Variants in NCOR1 observed in about 807,000 individuals in gnomAD.
NCOR1 encodes nuclear receptor corepressor 1, also known as protein phosphatase 1, regulatory subunit 109.
In NCOR1, 63 loss-of-function variants were observed where a neutral mutation model predicts 288.1. The observed-to-expected ratio is 0.22, with a 90% CI of 0.18 to 0.27. The LOEUF (loss-of-function observed/expected upper bound fraction) is 0.27, where lower values mean the gene tolerates loss of function less well. Ranked by LOEUF, NCOR1 falls within the 10% of genes least tolerant of loss-of-function variation. The probability of loss-of-function intolerance (pLI) is 1.00; values close to 1 mark genes in which losing one functional copy is unlikely to be tolerated. For missense variants in NCOR1, 2,397 were observed against 3,019.2 expected (o/e 0.79, Z 4.83); for synonymous variants, 1,007 against 1,065.9 (o/e 0.94, Z 1.08).
Position 16,064,125 on chromosome 17 carries a change from TCTCCCG to T in NCOR1, c.5158_5163del (p.Arg1720_Glu1721del), listed in dbSNP as rs1289562742. 1 of 1,613,674 alleles carries T rather than the reference TCTCCCG, an allele frequency of 6.2e-7. No individual in the cohort carries two copies. The highest frequency in any genetic ancestry group is 1.7e-5 in the Admixed American group (1 of 60,006). On this transcript the variant is annotated inframe_deletion, in exon 35 of 46. Transcript: ENST00000268712. ...GCAATCCGTTCCCGCTCCCGCTCCT[TCTCCCG>T]CTCCCGTTCCCGTTCCCTCTCAGCA... is the stretch of plus-strand genomic sequence containing the variant.
At chr17:16,133,634 C>A (rs1010037515) in intron 14 of NCOR1, among the ~76,000 whole-genome samples, 3 of 152,172 alleles carry the variant, frequency 2.0e-5, no homozygotes, top group Non-Finnish European at 4.4e-5. Context: ...AATTCTATAT[C>A]TTTAACCCAG....
intron 10 of NCOR1, among the ~76,000 whole-genome samples, chr17:16,143,930 C>T (rs759691238): frequency 7.9e-5 from 12 of 152,118 alleles, no homozygotes; most frequent in Admixed American, 2.0e-4. Flanking sequence ...AATGGTGGAA[C>T]TAGTTAGGGA....
intron 14 of NCOR1, among the ~76,000 whole-genome samples, chr17:16,127,599 A>G (rs2074795356): frequency 6.8e-6 from 1 of 146,698 alleles, no homozygotes; most frequent in Non-Finnish European, 1.5e-5. Context: ...ATATGTATGT[A>G]TACATACATA....
At position 16,075,470 on chromosome 17, in the gene NCOR1, A is replaced by G. The variant is rs1043161830; in HGVS notation, c.3670+64T>C. ...TCCCAGAGAGCAGAAATGCGGGAAA[A>G]CCCAAGCCTATGTTTTTAGCACATA... On this transcript the variant is annotated intron_variant, in intron 27 of 45. Coordinates refer to ENST00000268712, the MANE Select transcript of NCOR1 (RefSeq NM_006311.4). 8 of 1,553,246 alleles carry G rather than the reference A, an allele frequency of 5.2e-6. No individual in the cohort carries two copies. In the African/African-American group the frequency reaches 1.1e-4, roughly 21 times the overall value.
intron 24 of NCOR1, 22 bp downstream of exon 24, chr17:16,080,585 A>T: frequency 1.9e-6 from 3 of 1,614,156 alleles, no homozygotes; most frequent in Non-Finnish European, 2.5e-6. Flanking sequence ...TAGATGCATT[A>T]TGACTGTATT....
intron 3 of NCOR1, among the ~76,000 whole-genome samples, chr17:16,184,023 C>T (rs1451138715): frequency 3.3e-5 from 5 of 152,028 alleles, no homozygotes; most frequent in Non-Finnish European, 5.9e-5. Flanking sequence ...AACTAGATAT[C>T]CAGATGCAAA....
At chr17:16,074,294 C>G (rs2062121516) in intron 27 of NCOR1, among the ~76,000 whole-genome samples, 1 of 152,074 alleles carries the variant, frequency 6.6e-6, no homozygotes, top group African/African-American at 2.4e-5. Context: ...ACGTGGTACA[C>G]ACTTTGAATA....
intron 3 of NCOR1, among the ~76,000 whole-genome samples, chr17:16,184,871 T>C (rs1162864971): frequency 6.6e-6 from 1 of 151,956 alleles, no homozygotes; most frequent in African/African-American, 2.4e-5. Flanking sequence ...CACTATGGAA[T>C]ATTATTCAAC....
chr17:16,044,495 T>C (rs202044054), intron 42 of NCOR1: 76 of 478,640 alleles, frequency 1.6e-4, no homozygotes, highest in Non-Finnish European at 1.1e-4. Flanking sequence ...AGATCGTCCT[T>C]TCCTCAGCTG....
chr17:16,195,129 A>AT (rs1446314598), intron 1 of NCOR1, among the ~76,000 whole-genome samples: 1 of 152,212 alleles, frequency 6.6e-6, no homozygotes, highest in Non-Finnish European at 1.5e-5. Context: ...GTAGATGGAC[A>AT]TTTGTTATAT....
chr17:16,103,151 T>C (rs148061795), intron 19 of NCOR1, among the ~76,000 whole-genome samples: 16 of 152,278 alleles, frequency 1.1e-4, no homozygotes, highest in African/African-American at 3.1e-4. Context: ...TGTACTAGAG[T>C]TGTAATAACC....
intron 1 of NCOR1, among the ~76,000 whole-genome samples, chr17:16,199,227 A>ACC (rs2090427537): frequency 6.7e-6 from 1 of 149,516 alleles, no homozygotes; most frequent in Admixed American, 6.7e-5. Flanking sequence ...ACACACACAC[A>ACC]CACACACACA....
Position 16,101,347 on chromosome 17 carries a change from G to A in NCOR1, c.2593C>T (p.Gln865Ter). The A allele has an allele frequency of 6.2e-7, 1 of 1,614,136 alleles. No individual in the cohort carries two copies. ...PRDEDLVVAQQINAQRPEPQS... is the reference protein window; with the variant it reads ...PRDEDLVVAQ ...GGCTCGGGCCTTTGGGCATTTATTT[G>A]CTGAGCTACCACCAAATCTTCATCT... The change falls in exon 20 of 46, where the codon CAA becomes TAA. Residue 865 changes from glutamine to a stop codon, truncating the protein, a stop_gained. Transcript: ENST00000268712. LOFTEE classifies it high-confidence loss of function.
rs375392032 is a variant in NCOR1, at chr17:16,120,307, G to A, written c.1852+745C>T. Among the ~76,000 whole-genome samples, 127 of 152,106 alleles carry A rather than the reference G, an allele frequency of 8.3e-4. 3 individuals are homozygous for A. The highest frequency in any genetic ancestry group is 3.0e-3 in the African/African-American group (123 of 41,484). On this transcript the variant is annotated intron_variant, in intron 16 of 45. Transcript: ENST00000268712. ...TTCCAAAGACACAAATCTAATCACA[G>A]CATTCCTCTATTTAAAAACCTCTGC...
chr17:16,177,063 A>C (rs951963659), intron 3 of NCOR1, among the ~76,000 whole-genome samples: 3 of 151,918 alleles, frequency 2.0e-5, no homozygotes, highest in African/African-American at 7.3e-5. Flanking sequence ...TAATTGTCTT[A>C]ATCTTTGTCC....
chr17:16,147,677 CACTTCT>C (rs1194581850), intron 9 of NCOR1, among the ~76,000 whole-genome samples: 2 of 152,160 alleles, frequency 1.3e-5, no homozygotes, highest in African/African-American at 4.8e-5. Flanking sequence ...ACCCCACTCC[CACTTCT>C]CAATTACTCC....
intron 1 of NCOR1, among the ~76,000 whole-genome samples, chr17:16,213,489 CAAAAAA>C (rs537795184): frequency 2.6e-5 from 2 of 78,132 alleles, no homozygotes; most frequent in East Asian, 4.1e-4. Flanking sequence ...AAGACTGTCT[CAAAAAA>C]AAAAAAAAAA....
At chr17:16,101,189 C>T in intron 20 of NCOR1, 61 bp downstream of exon 20, 1 of 1,502,800 alleles carries the variant, frequency 6.7e-7, no homozygotes, top group Non-Finnish European at 8.9e-7. Flanking sequence ...CAGCACCACC[C>T]TGTGATTCAG....
chr17:16,119,568 TTATCTGACATAAAAGAC>T, intron 16 of NCOR1, 83 bp from the exon 17 acceptor site: 1 of 922,384 alleles, frequency 1.1e-6, no homozygotes, highest in Non-Finnish European at 1.6e-6. Context: ...TTATATCTCT[TTATCTGACATAAAAGAC>T]TATGTAAAAG....
Sources: allele counts gnomAD v4.1 joint callset (sites outside exome capture counted in the v4.1 genomes callset), GRCh38; gene constraint gnomAD v4.1.1; transcripts MANE v1.5; gene names NCBI Gene and HGNC (gene_info 2026-07-23, HGNC 2026-07-21).